Variants in IPO8 observed in about 807,000 individuals in gnomAD.
IPO8 encodes the protein importin 8, also known as importin-8.
Under a neutral mutation model 141.2 loss-of-function variants are expected in IPO8, and 65 were observed. The observed-to-expected ratio is 0.46, with a 90% CI of 0.38 to 0.57. The LOEUF is 0.57. IPO8 is among the 20% of genes least tolerant of loss of function. The pLI is 0.00. For missense variants in IPO8, 980 were observed against 1,246.8 expected (o/e 0.79, Z 3.22); for synonymous variants, 411 against 420.3 (o/e 0.98, Z 0.27).
chr12:30,685,697 G>C (rs1027727239), intron 2 of IPO8, among the ~76,000 whole-genome samples: 2 of 151,226 alleles, frequency 1.3e-5, no homozygotes, highest in Non-Finnish European at 1.5e-5. Flanking sequence ...GGCCGAGGCG[G>C]GCGGATCACC....
At chr12:30,650,752 T>C (rs1462405426) in intron 19 of IPO8, among the ~76,000 whole-genome samples, 1 of 152,050 alleles carries the variant, frequency 6.6e-6, no homozygotes, top group Non-Finnish European at 1.5e-5. Context: ...AAAACAAAAA[T>C]GTATCTTGTA....
chr12:30,659,130 T>G (rs1482193283), intron 16 of IPO8, among the ~76,000 whole-genome samples: 1 of 152,056 alleles, frequency 6.6e-6, no homozygotes, highest in Non-Finnish European at 1.5e-5. Context: ...TCCACCCGCC[T>G]CAGCCTCCCA....
In IPO8 at chr12:30,665,325, T is replaced by C. The variant is rs1217412830; in HGVS notation, c.1339-16A>G. On this transcript the variant is annotated splice_polypyrimidine_tract_variant and intron_variant, in intron 12 of 24. Coordinates refer to ENST00000256079, the MANE Select transcript of IPO8 (RefSeq NM_006390.4). ...ATAAACTCTTCTATTAGGAAACAAATTTCAACTTATCAATTTCTTTTTCAT... is the reference window on the plus strand; with the variant it reads ...ATAAACTCTTCTATTAGGAAACAAACTTCAACTTATCAATTTCTTTTTCAT... 7.2e-7 allele frequency: 1 copy of C among 1,383,218 alleles called. No individual in the cohort carries two copies. The highest frequency in any genetic ancestry group is 1.8e-4 in the Middle Eastern group (1 of 5,584). 85.7% of individuals were successfully genotyped at this position (1,383,218 alleles called of 1,614,324 possible).
intron 18 of IPO8, among the ~76,000 whole-genome samples, chr12:30,652,511 T>C (rs933629600): frequency 2.0e-5 from 3 of 152,122 alleles, no homozygotes; most frequent in South Asian, 4.1e-4. Context: ...TTGTGCTGAA[T>C]TTTTTCCCTT....
At chr12:30,678,055 G>A (rs1305439937) in intron 5 of IPO8, among the ~76,000 whole-genome samples, 3 of 151,450 alleles carry the variant, frequency 2.0e-5, no homozygotes, top group Non-Finnish European at 2.9e-5. Flanking sequence ...AACCCGGGAG[G>A]CGGAGGTGGC....
chr12:30,673,781 G>C (rs538522566), intron 8 of IPO8, among the ~76,000 whole-genome samples: 3 of 152,136 alleles, frequency 2.0e-5, no homozygotes, highest in Non-Finnish European at 4.4e-5. Context: ...TTCTGGTGGT[G>C]GCTGTCTCGG....
Position 30,662,357 on chromosome 12 carries a change from G to T in IPO8, c.1725C>A (p.Ala575=). The T allele has an allele frequency of 6.2e-7, 1 of 1,613,784 alleles. No individual in the cohort carries two copies. The highest frequency in any genetic ancestry group is 8.5e-7 in the Non-Finnish European group (1 of 1,179,902). ...GTTGGGTCATATCAACAGCAATTGAGGCTACCTCTTGACTGTATTCACATA... is the reference window on the plus strand; with the variant it reads ...GTTGGGTCATATCAACAGCAATTGATGCTACCTCTTGACTGTATTCACATA... The part of the protein sequence containing the change: ...KMICEYSQEV[A]SIAVDMTQHL... The change falls in exon 15 of 25, where the codon GCC becomes GCA. Residue 575 remains alanine, a synonymous_variant. Coordinates refer to ENST00000256079, the MANE Select transcript of IPO8 (RefSeq NM_006390.4).
At chr12:30,671,464 G>A (rs1376131674) in intron 8 of IPO8, among the ~76,000 whole-genome samples, 1 of 152,026 alleles carries the variant, frequency 6.6e-6, no homozygotes, top group Non-Finnish European at 1.5e-5. Context: ...ACGAGGTCAG[G>A]AGAACGAGAG....
At chr12:30,694,659 T>C (rs1310547518) in intron 1 of IPO8, among the ~76,000 whole-genome samples, 2 of 152,184 alleles carry the variant, frequency 1.3e-5, no homozygotes, top group Non-Finnish European at 2.9e-5. Flanking sequence ...CAGGTGATGC[T>C]GAAGCTCCAG....
chr12:30,651,386 G>A (rs1274533969), intron 19 of IPO8, among the ~76,000 whole-genome samples: 1 of 152,128 alleles, frequency 6.6e-6, no homozygotes, highest in East Asian at 1.9e-4. Flanking sequence ...TCAGTGCAGA[G>A]CTCTTACCAG....
At chr12:30,682,725 TA>T (rs918524593) in intron 3 of IPO8, among the ~76,000 whole-genome samples, 8 of 148,998 alleles carry the variant, frequency 5.4e-5, no homozygotes, top group Admixed American at 6.7e-5. Context: ...ACAGGGCAAC[TA>T]AAAAAAAAAT....
chr12:30,652,715 A>C (rs1407113255), intron 18 of IPO8, among the ~76,000 whole-genome samples: 2 of 152,136 alleles, frequency 1.3e-5, no homozygotes, highest in Non-Finnish European at 1.5e-5. Flanking sequence ...TAAAATACTT[A>C]TTAAATTAAT....
intron 2 of IPO8, among the ~76,000 whole-genome samples, chr12:30,687,532 G>A (rs2053253385): frequency 1.3e-5 from 2 of 151,822 alleles, no homozygotes; most frequent in African/African-American, 4.8e-5. Flanking sequence ...ATGCTTTTGA[G>A]TTGATGTTTC....
intron 7 of IPO8, among the ~76,000 whole-genome samples, 189 bp from the exon 8 acceptor site, chr12:30,674,263 A>G (rs1242055393): frequency 6.6e-6 from 1 of 152,220 alleles, no homozygotes; most frequent in Non-Finnish European, 1.5e-5. Context: ...GCCATACTGT[A>G]AAGTTTCAGA....
chr12:30,686,126 G>C (rs886225648), intron 2 of IPO8, among the ~76,000 whole-genome samples: 1 of 152,024 alleles, frequency 6.6e-6, no homozygotes, highest in African/African-American at 2.4e-5. Context: ...ATATAAAGGG[G>C]GATGTGTGTT....
intron 16 of IPO8, among the ~76,000 whole-genome samples, chr12:30,657,509 G>C (rs6487925): frequency 0.57 from 86,400 of 151,868 alleles, 25,661 homozygotes; most frequent in African/African-American, 0.74. Context: ...CCATACAAAT[G>C]ACGATGCAAA....
At chr12:30,638,301 C>T (rs910687806) in intron 21 of IPO8, among the ~76,000 whole-genome samples, 6 of 152,326 alleles carry the variant, frequency 3.9e-5, no homozygotes, top group Admixed American at 1.3e-4. Context: ...GTATGTTCTT[C>T]CCTTCAAGGT....
Position 30,695,769 on chromosome 12 carries a change from C to T in IPO8, c.-122G>A. On this transcript the variant is annotated 5_prime_UTR_variant, in exon 1 of 25. Coordinates refer to ENST00000256079, the MANE Select transcript of IPO8 (RefSeq NM_006390.4). The surrounding 1 kb of genome is among the most constrained non-coding windows in gnomAD (Gnocchi z 4.2). ...GGATTACCTCACACCCCACCCCCCG[C>T]CACCGTCGCCACCTGCGGCCACTTG... is the stretch of plus-strand genomic sequence containing the variant. 3.7e-6 allele frequency: 3 copies of T among 810,656 alleles called. No individual in the cohort carries two copies. Among genetic ancestry groups the T allele is most frequent in the Non-Finnish European group, 5.7e-6 (3 of 525,414 alleles). 50.2% of individuals were successfully genotyped at this position (810,656 alleles called of 1,614,324 possible).
At chr12:30,690,126 A>G (rs939254351) in intron 2 of IPO8, among the ~76,000 whole-genome samples, 4 of 152,228 alleles carry the variant, frequency 2.6e-5, no homozygotes, top group African/African-American at 9.6e-5. Context: ...CACGTAACAG[A>G]GCTCGAATTC....
Sources: allele counts gnomAD v4.1 joint callset (sites outside exome capture counted in the v4.1 genomes callset), GRCh38; gene constraint gnomAD v4.1.1; non-coding constraint Gnocchi (gnomAD v3.1); transcripts MANE v1.5; gene names NCBI Gene and HGNC (gene_info 2026-07-23, HGNC 2026-07-21).